Variants in NUBPL observed in about 807,000 individuals in gnomAD.
NUBPL encodes the protein iron-sulfur cluster transfer protein NUBPL.
NUBPL carries 31 observed loss-of-function variants against 45.7 expected under a neutral mutation model. The ratio of observed to expected loss-of-function variants is 0.68; its 90% CI spans 0.51 to 0.92. The LOEUF (loss-of-function observed/expected upper bound fraction) is 0.92. Among genes scored for constraint, NUBPL ranks in the 40% least tolerant of loss-of-function variants. The pLI is 0.00. For missense variants in NUBPL, 401 were observed against 398.7 expected (o/e 1.01, Z -0.05); for synonymous variants, 144 against 140.9 (o/e 1.02, Z -0.15).
chr14:31,573,189 A>G (rs2033634466), intron 3 of NUBPL, among the ~76,000 whole-genome samples: 1 of 152,228 alleles, frequency 6.6e-6, no homozygotes, highest in Non-Finnish European at 1.5e-5. Context: ...GTCACTAGGC[A>G]ATGGGAATCT....
At chr14:31,755,493 C>T (rs959348253) in intron 6 of NUBPL, among the ~76,000 whole-genome samples, 23 of 152,148 alleles carry the variant, frequency 1.5e-4, no homozygotes, top group African/African-American at 5.3e-4. Flanking sequence ...TCATAAATGT[C>T]TTCTTTTGAG....
intron 7 of NUBPL, among the ~76,000 whole-genome samples, chr14:31,811,205 A>C (rs369771631): frequency 2.0e-5 from 3 of 152,180 alleles, no homozygotes; most frequent in Admixed American, 6.5e-5. Context: ...TAATATCCTG[A>C]AGAGTGTTTT....
At chr14:31,646,446 C>T (rs1420504652) in intron 4 of NUBPL, among the ~76,000 whole-genome samples, 1 of 152,162 alleles carries the variant, frequency 6.6e-6, no homozygotes, top group Non-Finnish European at 1.5e-5. Context: ...CCTTGGCCTC[C>T]CAAAGTGCTG....
At chr14:31,805,585 A>G (rs754411140) in intron 7 of NUBPL, among the ~76,000 whole-genome samples, 3 of 152,240 alleles carry the variant, frequency 2.0e-5, no homozygotes, top group South Asian at 2.1e-4. Context: ...CTGTGCATCC[A>G]TAAAAAAAGA....
chr14:31,625,355 A>G (rs565547085), intron 4 of NUBPL, among the ~76,000 whole-genome samples: 1 of 152,364 alleles, frequency 6.6e-6, no homozygotes, highest in Non-Finnish European at 1.5e-5. Context: ...TCGAAGCAAC[A>G]TACTATGTGT....
chr14:31,650,578 C>T (rs796726665), intron 4 of NUBPL, among the ~76,000 whole-genome samples: 28 of 152,236 alleles, frequency 1.8e-4, no homozygotes, highest in African/African-American at 5.8e-4. Flanking sequence ...CGTTAGTCAC[C>T]GCACCTGGCC....
intron 6 of NUBPL, among the ~76,000 whole-genome samples, chr14:31,760,351 G>C (rs1247082500): frequency 6.6e-6 from 1 of 151,630 alleles, no homozygotes; most frequent in East Asian, 1.9e-4. Flanking sequence ...ATGGGGTTTT[G>C]CTGCGTTGCC....
intron 6 of NUBPL, among the ~76,000 whole-genome samples, chr14:31,701,736 A>C (rs1050917313): frequency 1.3e-5 from 2 of 152,190 alleles, no homozygotes; most frequent in Non-Finnish European, 2.9e-5. Context: ...ACCCACCAGT[A>C]AGAAGAAACT....
intron 10 of NUBPL, among the ~76,000 whole-genome samples, chr14:31,856,715 G>A (rs2040626934): frequency 6.6e-6 from 1 of 152,222 alleles, no homozygotes; most frequent in Non-Finnish European, 1.5e-5. Flanking sequence ...TGGTGGGACA[G>A]TCAAAGCTTA....
chr14:31,765,028 C>A (rs1432149089), intron 6 of NUBPL, among the ~76,000 whole-genome samples: 1 of 152,102 alleles, frequency 6.6e-6, no homozygotes, highest in African/African-American at 2.4e-5. Flanking sequence ...CACTAGGACA[C>A]CTACATATTA....
intron 10 of NUBPL, among the ~76,000 whole-genome samples, chr14:31,853,080 G>GTTT (rs2040563709): frequency 1.9e-4 from 22 of 118,300 alleles, no homozygotes; most frequent in East Asian, 6.1e-4. Context: ...GTGTTGTGTT[G>GTTT]TGTTTTGTTT....
intron 4 of NUBPL, among the ~76,000 whole-genome samples, chr14:31,660,338 C>G (rs987926296): frequency 3.3e-5 from 5 of 152,116 alleles, no homozygotes; most frequent in Admixed American, 2.6e-4. Context: ...CACACAGCCA[C>G]CTAAAGTTCT....
At chr14:31,569,110 G>A (rs1326259961) in intron 3 of NUBPL, among the ~76,000 whole-genome samples, 1 of 152,130 alleles carries the variant, frequency 6.6e-6, no homozygotes, top group African/African-American at 2.4e-5. Context: ...GAATGTCACT[G>A]GTCTAGGCTA....
intron 4 of NUBPL, among the ~76,000 whole-genome samples, chr14:31,624,910 A>G (rs1216934793): frequency 1.3e-5 from 2 of 152,170 alleles, no homozygotes; most frequent in African/African-American, 2.4e-5. Context: ...TGCTACTGAC[A>G]TCTTATAGGT....
chr14:31,861,090 T>C lies in NUBPL; in HGVS notation c.*1910T>C. On this transcript the variant is annotated 3_prime_UTR_variant, in exon 11 of 11. Coordinates refer to ENST00000281081, the MANE Select transcript of NUBPL (RefSeq NM_025152.3). Reference sequence around the variant, plus strand: ...ATCGATGTCAGTATCCCAGTTGTGATATTGTGCTATAGTTTTGCAAGATGT... The same window carrying C: ...ATCGATGTCAGTATCCCAGTTGTGACATTGTGCTATAGTTTTGCAAGATGT... 1 of 152,152 alleles carries C rather than the reference T, an allele frequency of 6.6e-6. No individual in the cohort carries two copies. The highest frequency in any genetic ancestry group is 1.9e-4 in the East Asian group (1 of 5,198). The allele number at this position is 152,152 out of a possible 1,614,324, so 9.4% of individuals were successfully genotyped here. A position where few individuals can be genotyped will look rare whatever the true frequency, so the allele number is the denominator to read the frequency against.
chr14:31,830,007 T>C (rs1171412751), intron 8 of NUBPL, among the ~76,000 whole-genome samples: 1 of 152,322 alleles, frequency 6.6e-6, no homozygotes, highest in East Asian at 1.9e-4. Flanking sequence ...CCTTCTTATA[T>C]GTGGGAGTCC....
intron 4 of NUBPL, among the ~76,000 whole-genome samples, chr14:31,632,160 C>T (rs2035361905): frequency 6.6e-6 from 1 of 152,100 alleles, no homozygotes; most frequent in Non-Finnish European, 1.5e-5. Flanking sequence ...GGACTATTTA[C>T]AAGATGTGGG....
intron 7 of NUBPL, among the ~76,000 whole-genome samples, chr14:31,820,268 G>A (rs1050893209): frequency 1.4e-4 from 21 of 151,940 alleles, no homozygotes; most frequent in East Asian, 1.4e-3. Flanking sequence ...TGCTGCTGTT[G>A]ACACTTCCTT....
At chr14:31,813,521 A>G (rs977855355) in intron 7 of NUBPL, among the ~76,000 whole-genome samples, 2 of 150,692 alleles carry the variant, frequency 1.3e-5, no homozygotes, top group African/African-American at 4.9e-5. Context: ...ATATATATAC[A>G]CACACATACA....
Sources: allele counts gnomAD v4.1 joint callset (sites outside exome capture counted in the v4.1 genomes callset), GRCh38; gene constraint gnomAD v4.1.1; transcripts MANE v1.5; gene names NCBI Gene and HGNC (gene_info 2026-07-23, HGNC 2026-07-21).